Variants in AOPEP observed in about 807,000 individuals in gnomAD.
AOPEP encodes the protein aminopeptidase O.
A neutral mutation model predicts 98.1 loss-of-function variants in AOPEP; 77 were observed. The observed-to-expected ratio is 0.78, with a 90% CI of 0.65 to 0.95. AOPEP has a LOEUF of 0.95. Ranked by LOEUF, AOPEP falls within the 40% of genes least tolerant of loss-of-function variation. The probability of loss-of-function intolerance (pLI) is 0.00; values close to 1 mark genes in which losing one functional copy is unlikely to be tolerated. For synonymous variants in AOPEP, 346 were observed against 365.3 expected, an observed-to-expected ratio of 0.95 and a Z score of 0.60; for missense variants, 1,024 against 1,024.7, an observed-to-expected ratio of 1.00 and a Z score of 0.01.
intron 16 of AOPEP, 92 bp from the exon 17 acceptor site, chr9:95,086,590 G>C (rs2070734157): frequency 6.0e-6 from 6 of 992,016 alleles, no homozygotes; most frequent in South Asian, 9.2e-5. Flanking sequence ...GTCCTCTCTT[G>C]AAAGTGGAGA....
chr9:94,901,177 A>C (rs1024376465), intron 5 of AOPEP, among the ~76,000 whole-genome samples: 50 of 152,256 alleles, frequency 3.3e-4, no homozygotes, highest in Admixed American at 3.2e-3. Context: ...TCAAAATTTC[A>C]TAATCTTCTC....
chr9:94,743,823 T>C (rs1431674935), intron 1 of AOPEP, among the ~76,000 whole-genome samples: 2 of 152,084 alleles, frequency 1.3e-5, no homozygotes, highest in Non-Finnish European at 2.9e-5. Context: ...AATCTGCAAA[T>C]CTCAGTTGAC....
the AOPEP span, chr9:95,127,367 T>G: frequency 6.6e-6 from 1 of 152,188 alleles, no homozygotes; most frequent in African/African-American, 2.4e-5. Flanking sequence ...CGTAACTTTC[T>G]CGGCACCAGG....
At chr9:94,742,539 A>G (rs749379587) in intron 1 of AOPEP, among the ~76,000 whole-genome samples, 16 of 151,656 alleles carry the variant, frequency 1.1e-4, no homozygotes, top group Non-Finnish European at 2.1e-4. Context: ...GGTTCAAGTG[A>G]TTCCCCTGCC....
At chr9:95,007,649 A>C (rs1477111978) in intron 13 of AOPEP, among the ~76,000 whole-genome samples, 2 of 152,182 alleles carry the variant, frequency 1.3e-5, no homozygotes, top group African/African-American at 4.8e-5. Context: ...GAAGATAGCA[A>C]ATTTCAGAGT....
chr9:95,019,672 A>C (rs2063304408), intron 13 of AOPEP: 1 of 152,228 alleles, frequency 6.6e-6, no homozygotes, highest in Non-Finnish European at 1.5e-5. Context: ...ATTTTCTCTG[A>C]AATGATTCTT....
chr9:94,781,973 C>T (rs1588179515), intron 3 of AOPEP, among the ~76,000 whole-genome samples: 1 of 150,978 alleles, frequency 6.6e-6, no homozygotes, highest in Admixed American at 6.6e-5. Context: ...GGGCGGATCA[C>T]GAGGTCAGGA....
chr9:94,901,957 G>A (rs1271679292), intron 5 of AOPEP, among the ~76,000 whole-genome samples: 3 of 152,086 alleles, frequency 2.0e-5, no homozygotes, highest in Admixed American at 6.6e-5. Context: ...ACCTTAATGT[G>A]CATATGAATG....
intron 11 of AOPEP, among the ~76,000 whole-genome samples, chr9:94,990,686 G>A (rs1037990571): frequency 2.6e-5 from 4 of 151,946 alleles, no homozygotes; most frequent in Non-Finnish European, 5.9e-5. Context: ...GTGCACTGGC[G>A]TGATCTCGGC....
chr9:95,062,290 G>A (rs974515962), intron 14 of AOPEP, among the ~76,000 whole-genome samples: 6 of 152,210 alleles, frequency 3.9e-5, no homozygotes, highest in African/African-American at 7.2e-5. Context: ...GGGACCTGGT[G>A]GGGGCAGATT....
the AOPEP span, chr9:95,107,585 A>G: frequency 2.1e-6 from 1 of 466,850 alleles, no homozygotes; most frequent in Non-Finnish European, 3.9e-6. Flanking sequence ...TTGTGGGAAA[A>G]AGAACAAAAG....
At chr9:94,925,540 C>T (rs1032049823) in intron 6 of AOPEP, among the ~76,000 whole-genome samples, 2 of 152,266 alleles carry the variant, frequency 1.3e-5, no homozygotes, top group Admixed American at 6.5e-5. Flanking sequence ...TCCCACAATA[C>T]TTGGTGCTTA....
intron 11 of AOPEP, among the ~76,000 whole-genome samples, chr9:94,998,200 G>A (rs768328547): frequency 6.6e-6 from 1 of 151,408 alleles, no homozygotes; most frequent in Admixed American, 6.6e-5. Flanking sequence ...ATATGTTAAA[G>A]TGAGACAGTC....
Position 95,035,679 on chromosome 9 carries a change from C to T in AOPEP, c.2116-25015C>T, listed in dbSNP as rs537317088. 1.0e-3 allele frequency among the ~76,000 whole-genome samples: 153 copies of T among 151,804 alleles called. 6 individuals are homozygous for T. The South Asian group carries it at 0.031, about 31-fold the overall frequency. ...GATTACAGGCATGCACCACCATGCCCGGCTAATTTTGTATTTTTTTTAGTA... is the reference window on the plus strand; with the variant it reads ...GATTACAGGCATGCACCACCATGCCTGGCTAATTTTGTATTTTTTTTAGTA... On this transcript the variant is annotated intron_variant, in intron 13 of 16. Transcript: ENST00000375315.
chr9:94,887,167 C>T (rs1365269199), intron 5 of AOPEP, among the ~76,000 whole-genome samples: 1 of 142,314 alleles, frequency 7.0e-6, no homozygotes, highest in Non-Finnish European at 1.5e-5. Context: ...AAAGTGAGAC[C>T]CCCCCCGTCT....
chr9:94,872,473 A>G (rs1384199185), intron 5 of AOPEP, among the ~76,000 whole-genome samples: 2 of 152,214 alleles, frequency 1.3e-5, no homozygotes, highest in Admixed American at 6.5e-5. Context: ...CAAGTCCCAC[A>G]TGATTCTGGA....
chr9:95,102,915 G>A, the AOPEP span, among the ~76,000 whole-genome samples: 2 of 152,164 alleles, frequency 1.3e-5, no homozygotes, highest in Non-Finnish European at 2.9e-5. Context: ...CCTGCAACGA[G>A]CCCGCCAGGG....
chr9:94,746,720 C>T (rs1232524645), intron 1 of AOPEP, among the ~76,000 whole-genome samples: 2 of 152,096 alleles, frequency 1.3e-5, no homozygotes, highest in African/African-American at 2.4e-5. Flanking sequence ...CATCTGGGTG[C>T]GAAGATGTGA....
intron 5 of AOPEP, among the ~76,000 whole-genome samples, chr9:94,820,795 C>T (rs1203184125): frequency 6.6e-6 from 1 of 152,166 alleles, no homozygotes; most frequent in South Asian, 2.1e-4. Context: ...AATATCAGCA[C>T]TTTTGCGTAG....
Sources: gnomAD v4.1 joint callset for allele counts (sites outside exome capture counted in the v4.1 genomes callset) on GRCh38, gnomAD v4.1.1 for gene constraint, MANE v1.5 for transcripts, NCBI Gene and HGNC (gene_info 2026-07-23, HGNC 2026-07-21) for gene names.